PARD3B: variants seen among roughly 807,000 people sequenced by gnomAD.
PARD3B encodes partitioning defective 3 homolog B.
PARD3B carries 103 observed loss-of-function variants against 130.2 expected under a neutral mutation model. The ratio of observed to expected loss-of-function variants is 0.79; its 90% CI spans 0.67 to 0.93. The LOEUF is 0.93. Among genes scored for constraint, PARD3B ranks in the 40% least tolerant of loss-of-function variants. The pLI, the probability that PARD3B is intolerant of heterozygous loss-of-function variation, is 0.00. For synonymous variants in PARD3B, 583 were observed against 553.2 expected (o/e 1.05, Z -0.76); for missense variants, 1,609 against 1,499.2 (o/e 1.07, Z -1.21).
intron 1 of PARD3B, among the ~76,000 whole-genome samples, chr2:204,575,859 A>C (rs909374897): frequency 2.6e-5 from 4 of 152,122 alleles, no homozygotes; most frequent in African/African-American, 9.7e-5. Context: ...CTTAGATATA[A>C]GCCCCTGTGG....
intron 16 of PARD3B, among the ~76,000 whole-genome samples, chr2:205,266,765 G>C: frequency 6.6e-6 from 1 of 152,012 alleles, no homozygotes; most frequent in East Asian, 1.9e-4. Flanking sequence ...TTCAATATTT[G>C]GTCTCTGATT....
chr2:205,194,633 A>G lies in PARD3B; in HGVS notation c.2140+1313A>G, dbSNP rs190736873. On this transcript the variant is annotated intron_variant, in intron 15 of 22. Coordinates refer to ENST00000406610, the MANE Select transcript of PARD3B (RefSeq NM_001302769.2). Reference sequence around the variant, plus strand: ...GGAGAGAAATATATTTGTTTTCCTCATTTAATTAAAGCAGCCACTATTATG... The same window carrying G: ...GGAGAGAAATATATTTGTTTTCCTCGTTTAATTAAAGCAGCCACTATTATG... Among the ~76,000 whole-genome samples, 1,487 of 152,352 alleles carry G rather than the reference A, an allele frequency of 9.8e-3. 11 individuals are homozygous for G. The highest frequency in any genetic ancestry group is 0.015 in the Non-Finnish European group (994 of 68,028).
At chr2:205,518,141 A>AAG (rs1456702229) in intron 21 of PARD3B, among the ~76,000 whole-genome samples, 8 of 152,014 alleles carry the variant, frequency 5.3e-5, no homozygotes, top group Admixed American at 5.2e-4. Context: ...TATCTTTGTA[A>AAG]ATTTTCTGCC....
At chr2:204,568,845 C>T (rs2031829544) in intron 1 of PARD3B, among the ~76,000 whole-genome samples, 1 of 151,718 alleles carries the variant, frequency 6.6e-6, no homozygotes. Context: ...ATCCCGACTA[C>T]TCGGGGGGCT....
At chr2:205,112,134 C>T (rs1478670643) in intron 5 of PARD3B, among the ~76,000 whole-genome samples, 1 of 151,886 alleles carries the variant, frequency 6.6e-6, no homozygotes, top group Non-Finnish European at 1.5e-5. Context: ...TATTCCAAGC[C>T]TCTGACATAA....
chr2:204,599,729 T>C (rs2033434257), intron 1 of PARD3B, among the ~76,000 whole-genome samples: 1 of 151,982 alleles, frequency 6.6e-6, no homozygotes, highest in South Asian at 2.1e-4. Context: ...GATCATATGG[T>C]AGTTCTATTT....
intron 2 of PARD3B, among the ~76,000 whole-genome samples, chr2:204,956,609 A>G (rs1690261070): frequency 6.6e-6 from 1 of 152,016 alleles, no homozygotes; most frequent in Admixed American, 6.6e-5. Flanking sequence ...CAAGATAGTC[A>G]AAGCCCTTGA....
chr2:205,127,701 G>T (rs567477753), intron 10 of PARD3B, among the ~76,000 whole-genome samples: 10 of 152,136 alleles, frequency 6.6e-5, no homozygotes, highest in African/African-American at 2.4e-4. Context: ...TGTGTACTCT[G>T]GGGAGATCTG....
intron 18 of PARD3B, among the ~76,000 whole-genome samples, chr2:205,389,299 C>T (rs1330440532): frequency 6.6e-6 from 1 of 152,122 alleles, no homozygotes; most frequent in East Asian, 1.9e-4. Context: ...TTTCCAATTA[C>T]CTCTTTCTTC....
chr2:205,471,871 A>C (rs1368797383), intron 20 of PARD3B, among the ~76,000 whole-genome samples: 2 of 152,166 alleles, frequency 1.3e-5, no homozygotes, highest in African/African-American at 4.8e-5. Context: ...TGGAGTTGTC[A>C]TGTTGTGTTT....
chr2:205,488,750 C>T (rs2049547187), intron 20 of PARD3B, among the ~76,000 whole-genome samples: 1 of 152,170 alleles, frequency 6.6e-6, no homozygotes, highest in South Asian at 2.1e-4. Context: ...AGGAAATCAA[C>T]TCAGTTCATG....
chr2:205,020,028 G>A (rs138306555), intron 3 of PARD3B, among the ~76,000 whole-genome samples: 2 of 152,166 alleles, frequency 1.3e-5, no homozygotes, highest in East Asian at 1.9e-4. Flanking sequence ...AGCTGTTGCC[G>A]CTTTCTAATC....
At position 205,258,338 on chromosome 2, in the gene PARD3B, A is replaced by G. The variant is rs1418260154; in HGVS notation, c.2185+12516A>G. 6.6e-6 allele frequency among the ~76,000 whole-genome samples: 1 copy of G among 152,152 alleles called. No individual in the cohort carries two copies. The highest frequency in any genetic ancestry group is 1.5e-5 in the Non-Finnish European group (1 of 68,016). On this transcript the variant is annotated intron_variant, in intron 16 of 22. Transcript: ENST00000406610. The surrounding 1 kb of genome is among the most constrained non-coding windows in gnomAD (Gnocchi z 4.9). ...TTGCACATGCATTCGATTAGCCCAG[A>G]GTGATCTTCCACTCTATACGGCTGA... is the stretch of plus-strand genomic sequence containing the variant.
At chr2:205,255,139 A>AC (rs1439348650) in intron 16 of PARD3B, among the ~76,000 whole-genome samples, 4 of 151,362 alleles carry the variant, frequency 2.6e-5, no homozygotes, top group Non-Finnish European at 5.9e-5. Context: ...CCCCAGCTGA[A>AC]CTCTTGAAGA....
At chr2:205,028,296 G>A (rs945989155) in intron 3 of PARD3B, among the ~76,000 whole-genome samples, 2 of 151,984 alleles carry the variant, frequency 1.3e-5, no homozygotes, top group African/African-American at 2.4e-5. Context: ...CACATTAACA[G>A]AATGAAAGAT....
At position 205,116,082 on chromosome 2, in the gene PARD3B, G is replaced by T. The variant is rs1704004079; in HGVS notation, c.680+2505G>T. 6.6e-6 allele frequency among the ~76,000 whole-genome samples: 1 copy of T among 152,010 alleles called. No individual in the cohort carries two copies. Among genetic ancestry groups the T allele is most frequent in the Non-Finnish European group, 1.5e-5 (1 of 68,010 alleles). ...ATTCATTAGATACCATCGCAGAGGG[G>T]TGCTGAATGCTGCTTGTATTGAGGG... On this transcript the variant is annotated intron_variant, in intron 6 of 22. Coordinates refer to ENST00000406610, the MANE Select transcript of PARD3B (RefSeq NM_001302769.2). The surrounding 1 kb of genome is among the most constrained non-coding windows in gnomAD (Gnocchi z 4.5).
At chr2:205,211,366 C>T (rs1445214725) in intron 15 of PARD3B, among the ~76,000 whole-genome samples, 1 of 152,040 alleles carries the variant, frequency 6.6e-6, no homozygotes, top group African/African-American at 2.4e-5. Flanking sequence ...CTATTCCCTC[C>T]TTCCTTCATT....
chr2:205,370,239 G>T (rs1245828379), intron 18 of PARD3B, among the ~76,000 whole-genome samples: 1 of 152,172 alleles, frequency 6.6e-6, no homozygotes, highest in Admixed American at 6.5e-5. Context: ...TTAAGTGGAG[G>T]TCATGATAAG....
At chr2:205,573,697 T>C (rs1418489155) in intron 22 of PARD3B, among the ~76,000 whole-genome samples, 1 of 152,174 alleles carries the variant, frequency 6.6e-6, no homozygotes, top group African/African-American at 2.4e-5. Context: ...AGTATTAAAT[T>C]GATGGGAAAC....
Sources: gnomAD v4.1 joint callset for allele counts (sites outside exome capture counted in the v4.1 genomes callset) on GRCh38, gnomAD v4.1.1 for gene constraint, Gnocchi (gnomAD v3.1) non-coding constraint, MANE v1.5 for transcripts, NCBI Gene and HGNC (gene_info 2026-07-23, HGNC 2026-07-21) for gene names.